The following KALRN variants were observed in gnomAD, a reference collection of about 807,000 sequenced individuals.
The protein encoded by KALRN is kalirin RhoGEF kinase, also known as kalirin.
In KALRN, 70 loss-of-function variants were observed where a neutral mutation model predicts 353.7. The observed-to-expected ratio is 0.20, with a 90% CI of 0.16 to 0.24. The LOEUF (loss-of-function observed/expected upper bound fraction) is 0.24, where lower values mean the gene tolerates loss of function less well. KALRN is among the 10% of genes least tolerant of loss of function. The pLI, the probability that KALRN is intolerant of heterozygous loss-of-function variation, is 1.00. For missense variants in KALRN, 2,791 were observed against 3,756.7 expected (o/e 0.74, Z 6.72); for synonymous variants, 1,391 against 1,434.8 (o/e 0.97, Z 0.69).
At chr3:124,403,859 A>T (rs141753638) in intron 13 of KALRN, among the ~76,000 whole-genome samples, 4 of 152,308 alleles carry the variant, frequency 2.6e-5, no homozygotes, top group African/African-American at 9.6e-5. Context: ...ACAATTTAAG[A>T]ATTCTATGAT....
intron 1 of KALRN, chr3:124,080,013 C>A (rs2060458023): frequency 4.2e-6 from 2 of 470,904 alleles, no homozygotes; most frequent in Non-Finnish European, 8.8e-6. Context: ...CATAGCATTT[C>A]TTTCCTCTAG....
chr3:124,218,132 T>C lies in KALRN; in HGVS notation c.74-9858T>C, dbSNP rs573851287. Among the ~76,000 whole-genome samples the C allele has an allele frequency of 1.8e-3, 272 of 152,250 alleles. 1 individual carries two copies. The highest frequency in any genetic ancestry group is 6.3e-3 in the African/African-American group (262 of 41,534). On this transcript the variant is annotated intron_variant, in intron 1 of 59. Coordinates refer to ENST00000682506, the MANE Select transcript of KALRN (RefSeq NM_001388419.1). The stretch of plus-strand genomic sequence containing the variant: ...ACCCATATGGGGGTTGGAGAGGTGG[T>C]TGAGGGGAGAAGCATCCAAGAGGTG...
In KALRN at chr3:124,631,925, G is replaced by T. The variant is rs375560847; in HGVS notation, c.5183-495G>T. Among the ~76,000 whole-genome samples, 9 of 152,108 alleles carry T rather than the reference G, an allele frequency of 5.9e-5. No individual in the cohort carries two copies. The East Asian group carries it at 1.2e-3, about 20-fold the overall frequency. ...TTGGGACCTTTGTGTTTGCTCTTCC[G>T]CCCAGAAGGCCCTTCGCCAGATGGC... On this transcript the variant is annotated intron_variant, in intron 34 of 59. Transcript: ENST00000682506.
chr3:124,300,157 G>A (rs957595957), intron 6 of KALRN, among the ~76,000 whole-genome samples: 6 of 152,130 alleles, frequency 3.9e-5, no homozygotes, highest in African/African-American at 1.4e-4. Context: ...CACTGGAGAA[G>A]AAATATTTTA....
chr3:124,456,678 C>A lies in KALRN; in HGVS notation c.3804C>A (p.Asp1268Glu), dbSNP rs770766778. The A allele has an allele frequency of 6.2e-7, 1 of 1,613,316 alleles. No homozygotes were observed. The highest frequency in any genetic ancestry group is 8.5e-7 in the Non-Finnish European group (1 of 1,179,490). ...CGGATCGGGAGGTCAAGCTGCGGGA[C>A]GCCAACCACGAAGTCAATGAAGAGA... ...SLSDREVKLR[D>E]ANHEVNEEKR... Residue 1268 changes from aspartate to glutamate, a missense_variant, in exon 23 of 60, where the codon GAC (aspartate) becomes GAA (glutamate). By Grantham distance (45) the Asp-to-Glu change is conservative. Transcript: ENST00000682506.
At chr3:124,240,579 G>A (rs1367466375) in intron 3 of KALRN, among the ~76,000 whole-genome samples, 2 of 152,094 alleles carry the variant, frequency 1.3e-5, no homozygotes, top group Non-Finnish European at 2.9e-5. Flanking sequence ...AGGGAGCAGG[G>A]GAATTGGTAC....
rs186246905 is a variant in KALRN at position 124,720,391 on chromosome 3, T to A, written c.*921T>A. ...AGTAAACAAATACAAGAGGTTCATA[T>A]AAAAGGGCAAATGAAAACCTTTCCT... On this transcript the variant is annotated 3_prime_UTR_variant, in exon 60 of 60. Transcript: ENST00000682506. The A allele has an allele frequency of 6.5e-6, 1 of 152,740 alleles. No individual in the cohort carries two copies. The highest frequency in any genetic ancestry group is 2.4e-5 in the African/African-American group (1 of 41,582). The allele number at this position is 152,740 out of a possible 1,614,324, so 9.5% of individuals were successfully genotyped here. A position where few individuals can be genotyped will look rare whatever the true frequency, so the allele number is the denominator to read the frequency against.
At chr3:124,531,579 G>T (rs546313478) in intron 33 of KALRN, among the ~76,000 whole-genome samples, 2 of 152,304 alleles carry the variant, frequency 1.3e-5, no homozygotes, top group East Asian at 1.9e-4. Context: ...GCTCACATCT[G>T]CTGGGCTTCT....
intron 16 of KALRN, among the ~76,000 whole-genome samples, chr3:124,433,441 A>G (rs1046171393): frequency 7.3e-5 from 11 of 151,724 alleles, no homozygotes; most frequent in Admixed American, 7.2e-4. Flanking sequence ...GTGAAAAATT[A>G]GCCAAGTGTG....
At chr3:124,296,876 T>C (rs1281936502) in intron 5 of KALRN, among the ~76,000 whole-genome samples, 3 of 152,246 alleles carry the variant, frequency 2.0e-5, no homozygotes, top group Non-Finnish European at 2.9e-5. Context: ...TCACCTCCTC[T>C]GAGAAGCCTT....
chr3:124,688,992 T>C (rs1252262689), intron 51 of KALRN, among the ~76,000 whole-genome samples: 3 of 152,206 alleles, frequency 2.0e-5, no homozygotes, highest in African/African-American at 7.2e-5. Flanking sequence ...TGGTTCTTGT[T>C]CTCGCCTGGG....
chr3:124,475,231 C>T (rs1218498050), intron 26 of KALRN, among the ~76,000 whole-genome samples: 1 of 152,144 alleles, frequency 6.6e-6, no homozygotes, highest in African/African-American at 2.4e-5. Context: ...TTCCACCTAA[C>T]AATTGGTTAC....
chr3:124,263,702 G>T (rs1280756173), intron 3 of KALRN, among the ~76,000 whole-genome samples: 1 of 152,094 alleles, frequency 6.6e-6, no homozygotes, highest in East Asian at 1.9e-4. Context: ...TCATCAACTG[G>T]CAGAATCAAC....
intron 2 of KALRN, among the ~76,000 whole-genome samples, chr3:124,231,632 T>C (rs951354294): frequency 6.6e-6 from 1 of 152,328 alleles, no homozygotes; most frequent in Admixed American, 6.5e-5. Context: ...ATTCTAGCTC[T>C]CCTTCTTGGA....
intron 1 of KALRN, among the ~76,000 whole-genome samples, chr3:124,189,192 C>T (rs1256737109): frequency 1.3e-5 from 2 of 152,270 alleles, no homozygotes; most frequent in African/African-American, 2.4e-5. Flanking sequence ...TGTCTCCCAA[C>T]ATTTAACATC....
intron 57 of KALRN, among the ~76,000 whole-genome samples, chr3:124,704,297 G>A (rs2062491049): frequency 6.6e-6 from 1 of 152,146 alleles, no homozygotes; most frequent in Non-Finnish European, 1.5e-5. Flanking sequence ...TCCTCCTGGA[G>A]GCATGTGTTT....
chr3:124,222,644 C>T (rs763600866), intron 1 of KALRN, among the ~76,000 whole-genome samples: 8 of 152,066 alleles, frequency 5.3e-5, no homozygotes, highest in Admixed American at 2.0e-4. Context: ...CTCAGTCACC[C>T]GGGCTGGAGT....
intron 34 of KALRN, among the ~76,000 whole-genome samples, chr3:124,609,155 T>C (rs1396621515): frequency 6.6e-6 from 1 of 152,224 alleles, no homozygotes; most frequent in African/African-American, 2.4e-5. Flanking sequence ...TCTGAAGTGT[T>C]AAAGGTCACA....
At chr3:124,085,769 CAA>C (rs1309209141) in intron 1 of KALRN, among the ~76,000 whole-genome samples, 3 of 152,240 alleles carry the variant, frequency 2.0e-5, no homozygotes, top group Middle Eastern at 6.8e-3. Flanking sequence ...AAAATTATAA[CAA>C]CATAAAATTT....
Sources: allele counts gnomAD v4.1 joint callset (sites outside exome capture counted in the v4.1 genomes callset), GRCh38; gene constraint gnomAD v4.1.1; transcripts MANE v1.5; gene names NCBI Gene and HGNC (gene_info 2026-07-23, HGNC 2026-07-21).